Variants in DOCK7 observed in about 807,000 individuals in gnomAD.
The protein encoded by DOCK7 is dedicator of cytokinesis protein 7.
In DOCK7, 138 loss-of-function variants were observed where a neutral mutation model predicts 271.0. The observed-to-expected ratio is 0.51, with a 90% CI of 0.44 to 0.59. The LOEUF is 0.59. Ranked by LOEUF, DOCK7 falls within the 20% of genes least tolerant of loss-of-function variation. The probability of loss-of-function intolerance (pLI) is 0.00; values close to 1 mark genes in which losing one functional copy is unlikely to be tolerated. For missense variants in DOCK7, 2,066 were observed against 2,592.4 expected, an observed-to-expected ratio of 0.80 and a Z score of 4.41; for synonymous variants, 823 against 876.1, an observed-to-expected ratio of 0.94 and a Z score of 1.07.
At chr1:62,671,852 CTAA>C (rs1437961487) in intron 1 of DOCK7, among the ~76,000 whole-genome samples, 1 of 151,738 alleles carries the variant, frequency 6.6e-6, no homozygotes, top group Non-Finnish European at 1.5e-5. Context: ...AAAATAGTCT[CTAA>C]TGTGTCTTTA....
intron 14 of DOCK7, chr1:62,604,191 A>G (rs1415467907): frequency 6.2e-7 from 1 of 1,613,274 alleles, no homozygotes; most frequent in African/African-American, 1.3e-5. Flanking sequence ...TCTACTTGGG[A>G]TCACAAAGCA....
At chr1:62,495,709 T>C (rs1373532695) in intron 38 of DOCK7, 28 bp from the exon 39 acceptor site, 4 of 1,522,512 alleles carry the variant, frequency 2.6e-6, no homozygotes, top group African/African-American at 1.4e-5. Context: ...ATGAAAAACA[T>C]TCTTGAATTG....
At chr1:62,574,686 C>T (rs187730127) in intron 18 of DOCK7, among the ~76,000 whole-genome samples, 1 of 152,300 alleles carries the variant, frequency 6.6e-6, no homozygotes, top group Non-Finnish European at 1.5e-5. Flanking sequence ...GGCACTAAAA[C>T]TAAAACAAAC....
In DOCK7 at chr1:62,528,337, A is replaced by G. The variant is rs770108902; in HGVS notation, c.3782-32T>C. 6.4e-6 allele frequency: 10 copies of G among 1,570,922 alleles called. No individual in the cohort carries two copies. In the South Asian group the frequency reaches 7.0e-5, roughly 11 times the overall value. On this transcript the variant is annotated intron_variant, in intron 30 of 49. Transcript: ENST00000635253. ...AAAAATAATCCAAAAAAATAAATAA[A>G]ACTGTTTAGCTGAACTAATTCCCTT... is the stretch of plus-strand genomic sequence containing the variant.
chr1:62,663,156 C>A (rs544343972), intron 1 of DOCK7, 26 bp from the exon 2 acceptor site: 8 of 1,476,644 alleles, frequency 5.4e-6, no homozygotes, highest in Admixed American at 2.0e-5. Flanking sequence ...CAAAAACATA[C>A]GCATTATTGA....
At chr1:62,601,331 G>C (rs1419437994) in intron 14 of DOCK7, 2 of 677,304 alleles carry the variant, frequency 3.0e-6, no homozygotes, top group East Asian at 2.8e-5. Flanking sequence ...GGATGCTGGG[G>C]TTCTTTTTAC....
intron 31 of DOCK7, among the ~76,000 whole-genome samples, chr1:62,521,764 TC>T (rs1461427787): frequency 6.6e-6 from 1 of 152,072 alleles, no homozygotes; most frequent in African/African-American, 2.4e-5. Flanking sequence ...TCACCTGAGG[TC>T]AGGAGTTCAA....
intron 14 of DOCK7, among the ~76,000 whole-genome samples, chr1:62,588,788 T>C (rs960549182): frequency 5.3e-5 from 8 of 152,106 alleles, no homozygotes; most frequent in African/African-American, 1.9e-4. Context: ...TCGCTCAGGC[T>C]GAAGTGCAGT....
Position 62,648,165 on chromosome 1 carries a change from C to T in DOCK7, c.673G>A (p.Asp225Asn). Residue 225 changes from aspartate to asparagine, a missense_variant, in exon 6 of 50, where the codon GAC (aspartate) becomes AAC (asparagine). Transcript: ENST00000635253. ...PNEEIDRQND[D>N]QRKSNRHKEL... ...TTGTGACGGTTTGATTTCCTTTGGT[C>T]ATCATTCTGACGGTCTATTTCTTCA... The T allele has an allele frequency of 6.2e-7, 1 of 1,613,492 alleles. No homozygotes were observed. The highest frequency in any genetic ancestry group is 8.5e-7 in the Non-Finnish European group (1 of 1,179,688).
chr1:62,507,367 T>G (rs1646973398), intron 35 of DOCK7, among the ~76,000 whole-genome samples: 1 of 152,228 alleles, frequency 6.6e-6, no homozygotes, highest in Admixed American at 6.5e-5. Flanking sequence ...TTTAACATCT[T>G]TGTGCCTAAG....
At chr1:62,471,551 G>C (rs191081688) in intron 48 of DOCK7, among the ~76,000 whole-genome samples, 1 of 152,170 alleles carries the variant, frequency 6.6e-6, no homozygotes, top group South Asian at 2.1e-4. Flanking sequence ...CACACCATAA[G>C]GCTGAGACAG....
chr1:62,467,548 C>T (rs1350897286), intron 48 of DOCK7, among the ~76,000 whole-genome samples: 1 of 152,116 alleles, frequency 6.6e-6, no homozygotes, highest in Non-Finnish European at 1.5e-5. Context: ...GGCACAGAAA[C>T]TAAAGCAAGT....
At chr1:62,476,573 C>T (rs551507448) in intron 44 of DOCK7, among the ~76,000 whole-genome samples, 13 of 152,186 alleles carry the variant, frequency 8.5e-5, no homozygotes, top group African/African-American at 3.1e-4. Context: ...AATGAATAAA[C>T]ATTCATTTTT....
At chr1:62,648,051 T>C in intron 6 of DOCK7, 55 bp downstream of exon 6, 1 of 1,524,736 alleles carries the variant, frequency 6.6e-7, no homozygotes, top group Middle Eastern at 1.7e-4. Flanking sequence ...TCAATCATAA[T>C]CCCAAAAGAT....
At chr1:62,473,663 C>T (rs149138083) in intron 48 of DOCK7, among the ~76,000 whole-genome samples, 2 of 152,198 alleles carry the variant, frequency 1.3e-5, no homozygotes, top group Non-Finnish European at 2.9e-5. Flanking sequence ...TAGTTTACTA[C>T]AGCCTCCAAC....
At chr1:62,643,681 T>C (rs989809972) in intron 7 of DOCK7, among the ~76,000 whole-genome samples, 2 of 152,196 alleles carry the variant, frequency 1.3e-5, no homozygotes, top group African/African-American at 2.4e-5. Flanking sequence ...TTCTGAACAA[T>C]TGTCAGCCAT....
chr1:62,583,347 G>T, intron 15 of DOCK7, 93 bp from the exon 16 acceptor site: 1 of 1,203,464 alleles, frequency 8.3e-7, no homozygotes, highest in Non-Finnish European at 1.2e-6. Context: ...ATAACTATTT[G>T]AGAAAAATGG....
intron 31 of DOCK7, 102 bp downstream of exon 31, chr1:62,528,049 C>A: frequency 8.1e-7 from 1 of 1,228,574 alleles, no homozygotes; most frequent in Non-Finnish European, 1.1e-6. Context: ...AAACTGAGCA[C>A]TTTTGCATCA....
chr1:62,587,911 TTTC>T (rs1189274823), intron 14 of DOCK7, among the ~76,000 whole-genome samples: 1 of 152,180 alleles, frequency 6.6e-6, no homozygotes, highest in Non-Finnish European at 1.5e-5. Flanking sequence ...TAGTAATGGT[TTTC>T]TTTTTTTATA....
Sources: gnomAD v4.1 joint callset for allele counts (sites outside exome capture counted in the v4.1 genomes callset) on GRCh38, gnomAD v4.1.1 for gene constraint, MANE v1.5 for transcripts, NCBI Gene and HGNC (gene_info 2026-07-23, HGNC 2026-07-21) for gene names.